Variants in PSMD11 observed in about 807,000 individuals in gnomAD.
PSMD11 encodes the protein proteasome 26S subunit, non-ATPase 11.
Under a neutral mutation model 62.3 loss-of-function variants are expected in PSMD11, and 5 were observed. That is an observed-to-expected ratio of 0.08 (90% confidence interval 0.04 to 0.17). The LOEUF is 0.17. PSMD11 is among the 10% of genes least tolerant of loss of function. The pLI is 1.00. For missense variants in PSMD11, 310 were observed against 512.9 expected (o/e 0.60, Z 3.82); for synonymous variants, 191 against 191.8 (o/e 1.00, Z 0.03).
At chr17:32,447,137 G>T (rs73272896) in intron 2 of PSMD11, 91 bp downstream of exon 2, 2 of 998,702 alleles carry the variant, frequency 2.0e-6, no homozygotes, top group Non-Finnish European at 2.9e-6. Flanking sequence ...TCCACAAACT[G>T]AATTCAGCTT....
At chr17:32,468,939 T>G in intron 5 of PSMD11, 60 bp from the exon 6 acceptor site, 171 of 1,449,938 alleles carry the variant, frequency 1.2e-4, no homozygotes, top group Middle Eastern at 3.8e-4. Context: ...GGTGGGAGAG[T>G]GAGCTATTAT....
intron 2 of PSMD11, among the ~76,000 whole-genome samples, chr17:32,451,677 TAAAAA>T (rs766376532): frequency 1.3e-5 from 2 of 152,026 alleles, no homozygotes; most frequent in East Asian, 1.9e-4. Flanking sequence ...AGTAATCTCT[TAAAAA>T]AAAGTGGATT....
chr17:32,448,911 T>A (rs1907409972), intron 2 of PSMD11, among the ~76,000 whole-genome samples: 1 of 152,230 alleles, frequency 6.6e-6, no homozygotes, highest in Non-Finnish European at 1.5e-5. Flanking sequence ...AACTGTCTAC[T>A]TAAATGAATT....
chr17:32,470,035 C>T (rs1908116513), intron 6 of PSMD11, among the ~76,000 whole-genome samples: 1 of 150,340 alleles, frequency 6.7e-6, no homozygotes, highest in Non-Finnish European at 1.5e-5. Flanking sequence ...TTTTTTGAGA[C>T]AGGGTCTCAC....
chr17:32,453,456 T>C (rs1238824212), intron 2 of PSMD11, among the ~76,000 whole-genome samples: 3 of 152,186 alleles, frequency 2.0e-5, no homozygotes, highest in African/African-American at 7.2e-5. Flanking sequence ...AGGTCATTAC[T>C]GGGGAGTGAA....
chr17:32,481,852 A>AT lies in PSMD11; in HGVS notation c.*1101dup, dbSNP rs976224878. The stretch of plus-strand genomic sequence containing the variant: ...CTTTGTTGGGTTTTTGAGCAACCTC[A>AT]TGTCCCCTTCCCAGGGAGCTTTTTA... On this transcript the variant is annotated 3_prime_UTR_variant, in exon 14 of 14. Transcript: ENST00000261712. The AT allele has an allele frequency of 4.6e-5, 7 of 151,756 alleles. No homozygotes were observed. The highest frequency in any genetic ancestry group is 1.7e-4 in the African/African-American group (7 of 41,384). The allele number at this position is 151,756 out of a possible 1,614,324, so 9.4% of individuals were successfully genotyped here.
chr17:32,459,269 T>A (rs577167598), intron 3 of PSMD11, among the ~76,000 whole-genome samples: 1 of 151,930 alleles, frequency 6.6e-6, no homozygotes, highest in African/African-American at 2.4e-5. Flanking sequence ...CTATGGTAGA[T>A]GTGCAGTGGT....
chr17:32,444,885 C>T (rs1479076878), intron 1 of PSMD11: 3 of 519,202 alleles, frequency 5.8e-6, no homozygotes, highest in Non-Finnish European at 1.0e-5. Context: ...CCGAGCCGGG[C>T]CCCCGGGGAT....
intron 5 of PSMD11, among the ~76,000 whole-genome samples, chr17:32,467,241 C>A (rs867701944): frequency 7.2e-6 from 1 of 138,174 alleles, no homozygotes; most frequent in South Asian, 2.3e-4. Flanking sequence ...CCATGCCCGG[C>A]CTTTTTTTTT....
intron 5 of PSMD11, among the ~76,000 whole-genome samples, chr17:32,465,799 C>A (rs896462659): frequency 8.0e-5 from 12 of 150,870 alleles, no homozygotes; most frequent in Non-Finnish European, 1.3e-4. Flanking sequence ...CATGGTGAAA[C>A]CCCGTCTCTA....
At chr17:32,472,309 A>G (rs778318153) in intron 6 of PSMD11, among the ~76,000 whole-genome samples, 2 of 149,202 alleles carry the variant, frequency 1.3e-5, no homozygotes, top group African/African-American at 2.5e-5. Flanking sequence ...TGCAACCTCT[A>G]CCTCCTGGAT....
At chr17:32,448,908 T>A (rs1907409639) in intron 2 of PSMD11, among the ~76,000 whole-genome samples, 1 of 152,244 alleles carries the variant, frequency 6.6e-6, no homozygotes, top group South Asian at 2.1e-4. Flanking sequence ...TATAACTGTC[T>A]ACTTAAATGA....
intron 2 of PSMD11, among the ~76,000 whole-genome samples, chr17:32,453,851 A>G (rs1480886326): frequency 6.6e-6 from 1 of 152,176 alleles, no homozygotes; most frequent in African/African-American, 2.4e-5. Flanking sequence ...TTTTTTGGTC[A>G]TAGTTTAAGA....
intron 2 of PSMD11, among the ~76,000 whole-genome samples, chr17:32,452,735 T>G (rs1907543577): frequency 6.6e-6 from 1 of 152,206 alleles, no homozygotes; most frequent in African/African-American, 2.4e-5. Flanking sequence ...TGCTATCTTG[T>G]GTTACATATC....
intron 2 of PSMD11, among the ~76,000 whole-genome samples, chr17:32,448,360 T>G (rs1413068817): frequency 6.6e-6 from 1 of 152,016 alleles, no homozygotes; most frequent in African/African-American, 2.4e-5. Context: ...ATGAACTTTT[T>G]TTTTTTTAAT....
intron 6 of PSMD11, 29 bp from the exon 7 acceptor site, chr17:32,473,772 G>T: frequency 3.7e-6 from 6 of 1,610,030 alleles, no homozygotes; most frequent in Non-Finnish European, 5.1e-6. Flanking sequence ...TATTTTATAT[G>T]TTCTTATTCC....
At position 32,479,307 on chromosome 17, in the gene PSMD11, G is replaced by C. The variant is rs1908422789; in HGVS notation, c.969G>C (p.Leu323Phe). 1 of 1,614,162 alleles carries C rather than the reference G, an allele frequency of 6.2e-7. No homozygotes were observed. Among genetic ancestry groups the C allele is most frequent in the Non-Finnish European group, 8.5e-7 (1 of 1,180,020 alleles). Residue 323 changes from leucine to phenylalanine, a missense_variant, in exon 10 of 14, where the codon TTG becomes TTC. Physicochemically the swap from Leu to Phe is conservative, Grantham distance 22. Coordinates refer to ENST00000261712, the MANE Select transcript of PSMD11 (RefSeq NM_002815.4). ...LRDDPIISTH[L>F]AKLYDNLLEQ... ...ATGACCCAATCATCAGCACACACTT[G>C]GCCAAGTTGTATGATAACTTACTAG...
intron 3 of PSMD11, among the ~76,000 whole-genome samples, chr17:32,458,126 G>A (rs1274013711): frequency 6.6e-6 from 1 of 152,070 alleles, no homozygotes; most frequent in Non-Finnish European, 1.5e-5. Context: ...CTACCATCTA[G>A]TTTGGTTCTT....
intron 12 of PSMD11, 64 bp from the exon 13 acceptor site, chr17:32,480,425 G>T: frequency 6.3e-7 from 1 of 1,592,330 alleles, no homozygotes; most frequent in African/African-American, 1.3e-5. Context: ...GGAGTGGGCT[G>T]CTTCACAAAC....
Sources: allele counts gnomAD v4.1 joint callset (sites outside exome capture counted in the v4.1 genomes callset), GRCh38; gene constraint gnomAD v4.1.1; transcripts MANE v1.5; gene names NCBI Gene and HGNC (gene_info 2026-07-23, HGNC 2026-07-21).